Variants in RIMS1 observed in about 807,000 individuals in gnomAD.
The protein encoded by RIMS1 is regulating synaptic membrane exocytosis protein 1.
A neutral mutation model predicts 214.1 loss-of-function variants in RIMS1; 83 were observed. The ratio of observed to expected loss-of-function variants is 0.39; its 90% CI spans 0.32 to 0.47. The LOEUF (loss-of-function observed/expected upper bound fraction) is 0.47, where lower values mean the gene tolerates loss of function less well. RIMS1 is among the 20% of genes least tolerant of loss of function. The pLI is 0.99. For synonymous variants in RIMS1, 793 were observed against 786.8 expected, an observed-to-expected ratio of 1.01 and a Z score of -0.13; for missense variants, 2,050 against 2,161.8, an observed-to-expected ratio of 0.95 and a Z score of 1.03.
At position 71,886,875 on chromosome 6, in the gene RIMS1, T is replaced by G; in HGVS notation, c.-149T>G. 1 of 789,286 alleles carries G rather than the reference T, an allele frequency of 1.3e-6. No individual in the cohort carries two copies. The allele number at this position is 789,286 out of a possible 1,614,324, so 48.9% of individuals were successfully genotyped here. ...TTCTCGCTCTCCCCGGCTCTGCTGCTGCTGCTGCTGCCGCCGCCGCCGCTG... is the reference window on the plus strand; with the variant it reads ...TTCTCGCTCTCCCCGGCTCTGCTGCGGCTGCTGCTGCCGCCGCCGCCGCTG... On this transcript the variant is annotated 5_prime_UTR_variant, in exon 1 of 34. Coordinates refer to ENST00000521978, the MANE Select transcript of RIMS1 (RefSeq NM_014989.7).
intron 10 of RIMS1, 36 bp from the exon 11 acceptor site, chr6:72,245,779 A>G: frequency 6.4e-7 from 1 of 1,561,472 alleles, no homozygotes; most frequent in Non-Finnish European, 8.8e-7. Flanking sequence ...GGGTCATTTA[A>G]CTAATGGGAT....
At chr6:72,254,727 T>A (rs192559334) in intron 16 of RIMS1, among the ~76,000 whole-genome samples, 216 of 152,298 alleles carry the variant, frequency 1.4e-3, no homozygotes, top group African/African-American at 5.0e-3. Flanking sequence ...GCAACATGGA[T>A]AACGCCTTGT....
At chr6:72,233,628 T>A in intron 6 of RIMS1, 145 bp from the exon 7 acceptor site, 1 of 637,374 alleles carries the variant, frequency 1.6e-6, no homozygotes, top group Non-Finnish European at 2.9e-6. Context: ...TCACAACCTT[T>A]GCAACACAGG....
At chr6:72,213,038 T>G in intron 6 of RIMS1, 1 of 1,527,398 alleles carries the variant, frequency 6.5e-7, no homozygotes, top group Non-Finnish European at 8.8e-7. Flanking sequence ...CACACTCTTC[T>G]TAGATAAGAT....
chr6:72,124,302 C>T (rs1193026894), intron 4 of RIMS1, among the ~76,000 whole-genome samples: 4 of 151,822 alleles, frequency 2.6e-5, no homozygotes, highest in Admixed American at 2.0e-4. Flanking sequence ...ATATTGGCCC[C>T]CACTCTCTTC....
At chr6:72,089,775 T>C (rs1835669601) in intron 2 of RIMS1, among the ~76,000 whole-genome samples, 1 of 135,046 alleles carries the variant, frequency 7.4e-6, no homozygotes, top group African/African-American at 2.5e-5. Flanking sequence ...AACCCAAATG[T>C]CCAACAATGA....
At chr6:72,198,104 A>G (rs900991266) in intron 6 of RIMS1, among the ~76,000 whole-genome samples, 1 of 152,118 alleles carries the variant, frequency 6.6e-6, no homozygotes, top group Non-Finnish European at 1.5e-5. Context: ...CACTACTGGT[A>G]TTTATCCAAA....
intron 1 of RIMS1, among the ~76,000 whole-genome samples, chr6:71,942,426 A>G (rs573101381): frequency 5.8e-4 from 89 of 152,240 alleles, no homozygotes; most frequent in Non-Finnish European, 1.1e-3. Context: ...GTTTATATAG[A>G]TATTATACAT....
chr6:72,258,411 C>G, intron 17 of RIMS1, 130 bp downstream of exon 17: 1 of 1,026,998 alleles, frequency 9.7e-7, no homozygotes, highest in Non-Finnish European at 1.3e-6. Context: ...TAATTGTAGG[C>G]AAAATTTTTT....
chr6:72,009,507 A>C (rs1809406646), intron 2 of RIMS1, among the ~76,000 whole-genome samples: 1 of 152,124 alleles, frequency 6.6e-6, no homozygotes, highest in South Asian at 2.1e-4. Flanking sequence ...AGACACAAAA[A>C]ACCTTTCAAA....
chr6:72,214,508 G>T (rs903441592), intron 6 of RIMS1, among the ~76,000 whole-genome samples: 1 of 152,130 alleles, frequency 6.6e-6, no homozygotes, highest in Non-Finnish European at 1.5e-5. Flanking sequence ...TCATGAGATG[G>T]AATGAGGGAC....
chr6:71,999,261 C>G (rs1298811927), intron 2 of RIMS1, among the ~76,000 whole-genome samples: 1 of 151,814 alleles, frequency 6.6e-6, no homozygotes, highest in African/African-American at 2.4e-5. Context: ...AATTTTATGT[C>G]CATATTGAAA....
chr6:72,009,861 A>G (rs1809649745), intron 2 of RIMS1, among the ~76,000 whole-genome samples: 1 of 152,176 alleles, frequency 6.6e-6, no homozygotes, highest in South Asian at 2.1e-4. Flanking sequence ...AAAATCCAGG[A>G]CCAGACAGAT....
chr6:72,298,557 A>G (rs1368906113), intron 26 of RIMS1, among the ~76,000 whole-genome samples: 1 of 152,018 alleles, frequency 6.6e-6, no homozygotes, highest in East Asian at 1.9e-4. Context: ...AATTATAGTA[A>G]CACATTTACA....
At chr6:71,969,768 C>T (rs562878549) in intron 2 of RIMS1, among the ~76,000 whole-genome samples, 1 of 152,282 alleles carries the variant, frequency 6.6e-6, no homozygotes, top group African/African-American at 2.4e-5. Flanking sequence ...AAGATCGTGC[C>T]ACTGTACTCC....
At chr6:72,361,724 T>C (rs950386565) in intron 29 of RIMS1, among the ~76,000 whole-genome samples, 6 of 152,222 alleles carry the variant, frequency 3.9e-5, no homozygotes, top group African/African-American at 1.4e-4. Flanking sequence ...CCACATTCCT[T>C]GGCTTCTTTT....
intron 29 of RIMS1, among the ~76,000 whole-genome samples, chr6:72,386,819 C>T (rs118036533): frequency 0.011 from 1,619 of 150,778 alleles, 20 homozygotes; most frequent in Non-Finnish European, 0.017. Context: ...CTGCAAGCTC[C>T]GCCTTCCAGC....
At chr6:72,260,253 A>G (rs1211152588) in intron 18 of RIMS1, among the ~76,000 whole-genome samples, 2 of 152,118 alleles carry the variant, frequency 1.3e-5, no homozygotes, top group East Asian at 3.9e-4. Flanking sequence ...TTAATAAGAA[A>G]CATAATATGG....
chr6:72,205,293 A>G (rs1165495558), intron 6 of RIMS1, among the ~76,000 whole-genome samples: 1 of 152,194 alleles, frequency 6.6e-6, no homozygotes, highest in Non-Finnish European at 1.5e-5. Context: ...AACATCAATA[A>G]CATCAATAAT....
Sources: allele counts gnomAD v4.1 joint callset (sites outside exome capture counted in the v4.1 genomes callset), GRCh38; gene constraint gnomAD v4.1.1; transcripts MANE v1.5; gene names NCBI Gene and HGNC (gene_info 2026-07-23, HGNC 2026-07-21).